The following CFAP77 variants were observed in gnomAD, a reference collection of about 807,000 sequenced individuals.
CFAP77 encodes the protein cilia and flagella associated protein 77, also known as cilia- and flagella-associated protein 77.
CFAP77 carries 25 observed loss-of-function variants against 31.1 expected under a neutral mutation model. The observed-to-expected ratio is 0.80, with a 90% confidence interval of 0.59 to 1.12. The LOEUF (loss-of-function observed/expected upper bound fraction) is 1.12, where lower values mean the gene tolerates loss of function less well. CFAP77 is among the 50% of genes most tolerant of loss of function. The probability of loss-of-function intolerance (pLI) is 0.00; values close to 1 mark genes in which losing one functional copy is unlikely to be tolerated. For synonymous variants in CFAP77, 151 were observed against 159.9 expected, an observed-to-expected ratio of 0.94 and a Z score of 0.42; for missense variants, 377 against 397.3, an observed-to-expected ratio of 0.95 and a Z score of 0.44.
At chr9:132,420,829 G>A (rs1850202017) in intron 1 of CFAP77, among the ~76,000 whole-genome samples, 1 of 152,120 alleles carries the variant, frequency 6.6e-6, no homozygotes, top group South Asian at 2.1e-4. Flanking sequence ...TCCTTGAAGA[G>A]CTTACAATCT....
chr9:132,565,920 A>G lies in CFAP77; in HGVS notation c.733-6468A>G, dbSNP rs1377409114. Among the ~76,000 whole-genome samples, 1 of 152,138 alleles carries G rather than the reference A, an allele frequency of 6.6e-6. No homozygotes were observed. The highest frequency in any genetic ancestry group is 1.9e-4 in the East Asian group (1 of 5,190). On this transcript the variant is annotated intron_variant, in intron 5 of 5. Transcript: ENST00000393216. The surrounding 1 kb of genome is among the most constrained non-coding windows in gnomAD (Gnocchi z 4.1). Reference sequence around the variant, plus strand: ...CTGGCGGCTGTGGCACTTGCCTCTTATTTACCTGCATTGACCTTAGAGCAG... The same window carrying G: ...CTGGCGGCTGTGGCACTTGCCTCTTGTTTACCTGCATTGACCTTAGAGCAG...
Position 132,429,408 on chromosome 9 carries a change from G to A in CFAP77, c.195+18942G>A, listed in dbSNP as rs1204922368. 2.6e-5 allele frequency among the ~76,000 whole-genome samples: 4 copies of A among 151,586 alleles called. No individual in the cohort carries two copies. The South Asian group carries it at 8.4e-4, about 32-fold the overall frequency. On this transcript the variant is annotated intron_variant, in intron 1 of 5. Transcript: ENST00000393216. The stretch of plus-strand genomic sequence containing the variant: ...ACAAAAATTAGCCAGGGGTGGTGGC[G>A]GTTCCTGTAGTCCCAGCTACTTGGG...
chr9:132,498,563 C>G lies in CFAP77; in HGVS notation c.196-132C>G. On this transcript the variant is annotated intron_variant, in intron 1 of 5. Transcript: ENST00000393216. The surrounding 1 kb of genome is among the most constrained non-coding windows in gnomAD (Gnocchi z 4.2). ...CCAGGGAGGGCTCTGCCACCCACTC[C>G]TGTGCCACCCTGAAGGCCACGGCAG... The G allele has an allele frequency of 1.5e-6, 1 of 676,930 alleles. No homozygotes were observed. Among genetic ancestry groups the G allele is most frequent in the African/African-American group, 1.8e-5 (1 of 56,260 alleles). The allele number at this position is 676,930 out of a possible 1,614,324, so 41.9% of individuals were successfully genotyped here. A position where few individuals can be genotyped will look rare whatever the true frequency, so the allele number is the denominator to read the frequency against.
Position 132,498,801 on chromosome 9 carries a change from G to A in CFAP77, c.295+7G>A, listed in dbSNP as rs369699662. The A allele has an allele frequency of 6.5e-5, 103 of 1,596,236 alleles. No individual in the cohort carries two copies. In the African/African-American group the frequency reaches 6.9e-4, roughly 11 times the overall value. On this transcript the variant is annotated splice_region_variant and intron_variant, in intron 2 of 5. Transcript: ENST00000393216. This position sits in a 1 kb window ranked among gnomAD's most constrained non-coding sequence, Gnocchi z 4.2. The stretch of plus-strand genomic sequence containing the variant: ...GACGGAGGAGTCCCTGAAGGTGAGC[G>A]AGCAGCTTTGGAGCATGAGGGCAGA...
At position 132,508,792 on chromosome 9, in the gene CFAP77, A is replaced by G. The variant is rs547491596; in HGVS notation, c.524+9192A>G. 1.8e-3 allele frequency among the ~76,000 whole-genome samples: 270 copies of G among 152,272 alleles called. 1 individual carries two copies. Among genetic ancestry groups the G allele is most frequent in the Non-Finnish European group, 3.4e-3 (230 of 68,008 alleles). ...CATCTCATTAAATACAACTCTACCA[A>G]GTAGAGACTATCATCCCTATTCTAC... is the stretch of plus-strand genomic sequence containing the variant. On this transcript the variant is annotated intron_variant, in intron 3 of 5. Transcript: ENST00000393216.
chr9:132,434,543 A>C (rs1850470367), intron 1 of CFAP77, among the ~76,000 whole-genome samples: 1 of 152,230 alleles, frequency 6.6e-6, no homozygotes, highest in South Asian at 2.1e-4. Flanking sequence ...AGACACTTTC[A>C]TTTTAAGATT....
In CFAP77 at chr9:132,525,079, G is replaced by T. The variant is rs1166478024; in HGVS notation, c.525-12522G>T. ...GTGACGCCCAGGTTGGAGTGCAATG[G>T]CACAATCTCAGCTCACTGCAACCTC... On this transcript the variant is annotated intron_variant, in intron 3 of 5. Transcript: ENST00000393216. Among the ~76,000 whole-genome samples, 2 of 146,992 alleles carry T rather than the reference G, an allele frequency of 1.4e-5. 1 individual carries two copies. The highest frequency in any genetic ancestry group is 3.0e-5 in the Non-Finnish European group (2 of 66,276).
intron 3 of CFAP77, among the ~76,000 whole-genome samples, chr9:132,508,561 C>T (rs59650261): frequency 0.026 from 4,025 of 152,250 alleles, 116 homozygotes; most frequent in African/African-American, 0.062. Flanking sequence ...CTATAACCAT[C>T]TGAAGCCCTG....
intron 5 of CFAP77, among the ~76,000 whole-genome samples, chr9:132,561,540 A>G (rs1829805529): frequency 1.3e-5 from 2 of 150,594 alleles, no homozygotes; most frequent in Admixed American, 6.6e-5. Context: ...GCTGTGGAAA[A>G]GCTGATTGAC....
intron 1 of CFAP77, among the ~76,000 whole-genome samples, chr9:132,493,804 G>A (rs1304056806): frequency 1.3e-5 from 2 of 152,230 alleles, no homozygotes; most frequent in Non-Finnish European, 2.9e-5. Context: ...GTTGCCCACA[G>A]TAACGTTCTT....
Position 132,510,982 on chromosome 9 carries a change from G to A in CFAP77, c.524+11382G>A, listed in dbSNP as rs77784380. On this transcript the variant is annotated intron_variant, in intron 3 of 5. Coordinates refer to ENST00000393216, the MANE Select transcript of CFAP77 (RefSeq NM_001282957.2). ...TGTACACAGTCATGTGGTTGCAAAG[G>A]GGTCACGCTGGGATCTGATCTCAGA... Among the ~76,000 whole-genome samples the A allele has an allele frequency of 4.2e-3, 646 of 152,172 alleles. 1 individual carries two copies. The highest frequency in any genetic ancestry group is 7.8e-3 in the Non-Finnish European group (533 of 68,018).
chr9:132,482,771 G>A (rs1470347904), intron 1 of CFAP77, among the ~76,000 whole-genome samples: 1 of 128,474 alleles, frequency 7.8e-6, no homozygotes, highest in East Asian at 2.3e-4. Context: ...ATGGACACAG[G>A]AAGGGGAACA....
In CFAP77 at chr9:132,479,045, G is replaced by A. The variant is rs576534041; in HGVS notation, c.196-19650G>A. On this transcript the variant is annotated intron_variant, in intron 1 of 5. Transcript: ENST00000393216. ...ATAAGTTGGATCAAGACCATCGCTG[G>A]AGTCTTTTACAATAATGGGTATTCT... 5.6e-4 allele frequency among the ~76,000 whole-genome samples: 85 copies of A among 152,294 alleles called. 2 individuals carry two copies. Among genetic ancestry groups the A allele is most frequent in the African/African-American group, 2.0e-3 (83 of 41,564 alleles).
chr9:132,478,648 C>T (rs757814848), intron 1 of CFAP77, among the ~76,000 whole-genome samples: 13 of 152,236 alleles, frequency 8.5e-5, no homozygotes, highest in Non-Finnish European at 1.3e-4. Flanking sequence ...TGGGGCCCGG[C>T]GTGGGCTGGA....
intron 3 of CFAP77, among the ~76,000 whole-genome samples, chr9:132,514,969 C>T (rs139061838): frequency 6.6e-6 from 1 of 152,156 alleles, no homozygotes; most frequent in South Asian, 2.1e-4. Flanking sequence ...CCCCCCAGCC[C>T]GCCCCAGCTC....
intron 1 of CFAP77, among the ~76,000 whole-genome samples, chr9:132,475,475 A>G (rs1254712634): frequency 6.6e-6 from 1 of 152,246 alleles, no homozygotes; most frequent in Non-Finnish European, 1.5e-5. Flanking sequence ...GAGGGGATGC[A>G]GAGCCCACTT....
At chr9:132,418,091 A>C (rs760468353) in intron 1 of CFAP77, among the ~76,000 whole-genome samples, 2 of 152,236 alleles carry the variant, frequency 1.3e-5, no homozygotes, top group Non-Finnish European at 2.9e-5. Flanking sequence ...CCCTACCTAC[A>C]TCTCAAGGTT....
chr9:132,429,011 CTGGGG>C (rs1850360650), intron 1 of CFAP77, among the ~76,000 whole-genome samples: 1 of 152,156 alleles, frequency 6.6e-6, no homozygotes, highest in Admixed American at 6.5e-5. Context: ...GCATGTTGAA[CTGGGG>C]ACCTCTGTCT....
intron 1 of CFAP77, among the ~76,000 whole-genome samples, chr9:132,459,532 TGA>T (rs1379771996): frequency 6.6e-6 from 1 of 151,658 alleles, no homozygotes; most frequent in Non-Finnish European, 1.5e-5. Context: ...GGTGTATGTG[TGA>T]GTGTGTGTAG....
Sources: gnomAD v4.1 joint callset for allele counts (sites outside exome capture counted in the v4.1 genomes callset) on GRCh38, gnomAD v4.1.1 for gene constraint, Gnocchi (gnomAD v3.1) non-coding constraint, MANE v1.5 for transcripts, NCBI Gene and HGNC (gene_info 2026-07-23, HGNC 2026-07-21) for gene names.